RBFOX1: variants seen among roughly 807,000 people sequenced by gnomAD.
RBFOX1 encodes the protein RNA binding protein fox-1 homolog 1.
In RBFOX1, 8 loss-of-function variants were observed where a neutral mutation model predicts 57.7. The observed-to-expected ratio is 0.14, with a 90% CI of 0.08 to 0.25. The LOEUF is 0.25. Among genes scored for constraint, RBFOX1 ranks in the 10% least tolerant of loss-of-function variants. RBFOX1 has a pLI of 1.00. For missense variants in RBFOX1, 611 were observed against 548.5 expected (o/e 1.11, Z -1.14); for synonymous variants, 326 against 222.4 (o/e 1.47, Z -4.15).
At chr16:6,905,552 CA>C (rs55769867) in intron 3 of RBFOX1, among the ~76,000 whole-genome samples, 32,161 of 143,256 alleles carry the variant, frequency 0.22, 3,546 homozygotes, top group East Asian at 0.32. Flanking sequence ...GACTCCATCT[CA>C]AAAAAAAAAA....
At chr16:5,454,419 T>G (rs1320901727) in intron 1 of RBFOX1, among the ~76,000 whole-genome samples, 1 of 152,264 alleles carries the variant, frequency 6.6e-6, no homozygotes, top group Non-Finnish European at 1.5e-5. Flanking sequence ...TGGACCACAG[T>G]GCCTAGATAT....
chr16:6,935,055 C>T (rs768221703), intron 3 of RBFOX1, among the ~76,000 whole-genome samples: 8 of 151,962 alleles, frequency 5.3e-5, no homozygotes, highest in Middle Eastern at 3.4e-3. Context: ...CGTTCCACTG[C>T]ACTCCAGCCT....
chr16:6,049,829 C>A (rs2095534064), intron 1 of RBFOX1, among the ~76,000 whole-genome samples: 1 of 152,030 alleles, frequency 6.6e-6, no homozygotes, highest in Non-Finnish European at 1.5e-5. Context: ...CCCAGTGGTA[C>A]ACTTCCTATG....
intron 4 of RBFOX1, among the ~76,000 whole-genome samples, chr16:7,457,179 G>A (rs150171215): frequency 9.7e-4 from 147 of 152,164 alleles, no homozygotes; most frequent in South Asian, 3.9e-3. Flanking sequence ...GAGCCACCGC[G>A]CCTGGCCTTG....
At chr16:6,976,739 C>T (rs568590579) in intron 3 of RBFOX1, among the ~76,000 whole-genome samples, 2 of 144,942 alleles carry the variant, frequency 1.4e-5, no homozygotes, top group Non-Finnish European at 3.0e-5. Context: ...ATGTATCATA[C>T]ATATATATCA....
Position 5,742,576 on chromosome 16 carries a change from G to C in RBFOX1, c.319-124727G>C, listed in dbSNP as rs77586747. On this transcript the variant is annotated intron_variant, in intron 3 of 19. Coordinates refer to the RBFOX1 transcript ENST00000641259. ...CCATAAGAACGTCTGGCACATAGTA[G>C]ATATCCACCAGTAGCCTCATCAAAG... 1.3e-3 allele frequency among the ~76,000 whole-genome samples: 205 copies of C among 152,274 alleles called. 1 individual carries two copies. The highest frequency in any genetic ancestry group is 4.7e-3 in the African/African-American group (194 of 41,554).
At chr16:6,030,764 C>T (rs914986325) in intron 1 of RBFOX1, among the ~76,000 whole-genome samples, 6 of 152,154 alleles carry the variant, frequency 3.9e-5, no homozygotes, top group Non-Finnish European at 7.3e-5. Context: ...AATGGTTACT[C>T]TTTCTTATTT....
intron 14 of RBFOX1, among the ~76,000 whole-genome samples, chr16:7,689,096 G>T (rs73496953): frequency 1.9e-3 from 282 of 152,196 alleles, no homozygotes; most frequent in African/African-American, 6.5e-3. Flanking sequence ...ATAAAAAGAA[G>T]GGTTATAAGA....
chr16:6,143,808 T>G (rs1304523787), intron 1 of RBFOX1, among the ~76,000 whole-genome samples: 3 of 151,986 alleles, frequency 2.0e-5, no homozygotes, highest in African/African-American at 7.3e-5. Flanking sequence ...TTGGTTTTGT[T>G]TTTTAGAGAC....
intron 4 of RBFOX1, among the ~76,000 whole-genome samples, chr16:7,128,781 ATCTG>A (rs1036843981): frequency 2.0e-5 from 3 of 150,614 alleles, no homozygotes; most frequent in Non-Finnish European, 3.0e-5. Context: ...TATTTTGGTA[ATCTG>A]TCTGACATAA....
rs76086863 is a variant in RBFOX1 at position 5,443,001 on chromosome 16, T to C, written c.220-24215T>C. 2.8e-3 allele frequency among the ~76,000 whole-genome samples: 425 copies of C among 152,254 alleles called. 3 individuals carry two copies. The highest frequency in any genetic ancestry group is 9.8e-3 in the African/African-American group (409 of 41,536). ...AAGACAAGGGCAGAGATGGGAATGA[T>C]GCTGCCTCAAGCCAAGGAGTGCCAG... On this transcript the variant is annotated intron_variant, in intron 1 of 2. Transcript: ENST00000585867.
intron 3 of RBFOX1, among the ~76,000 whole-genome samples, chr16:6,865,293 G>C (rs1380742917): frequency 6.6e-6 from 1 of 151,984 alleles, no homozygotes; most frequent in Non-Finnish European, 1.5e-5. Flanking sequence ...GTGAGCCACC[G>C]TGCCCGACCT....
At chr16:5,316,485 T>C (rs969360973) in intron 1 of RBFOX1, among the ~76,000 whole-genome samples, 1 of 152,176 alleles carries the variant, frequency 6.6e-6, no homozygotes, top group Non-Finnish European at 1.5e-5. Context: ...TCCATTGCTA[T>C]GAGAACACCC....
intron 3 of RBFOX1, among the ~76,000 whole-genome samples, chr16:5,756,242 A>C (rs1381146690): frequency 6.6e-5 from 10 of 151,198 alleles, no homozygotes; most frequent in Admixed American, 4.6e-4. Flanking sequence ...AAAAAAAAAA[A>C]AAAAAACCCT....
chr16:6,230,599 T>C (rs1353871441), intron 1 of RBFOX1, among the ~76,000 whole-genome samples: 1 of 152,044 alleles, frequency 6.6e-6, no homozygotes, highest in African/African-American at 2.4e-5. Context: ...ATCAGCTGGG[T>C]GGAGGAGTGA....
chr16:5,670,113 T>G (rs868098069), intron 3 of RBFOX1, among the ~76,000 whole-genome samples: 1 of 151,800 alleles, frequency 6.6e-6, no homozygotes, highest in Non-Finnish European at 1.5e-5. Flanking sequence ...TCCATTTACC[T>G]GAAGTGTCTA....
In RBFOX1 at chr16:5,569,162, G is replaced by C. The variant is rs1413141087; in HGVS notation, c.259-29740G>C. On this transcript the variant is annotated intron_variant, in intron 2 of 2. Coordinates refer to the RBFOX1 transcript ENST00000585867. Reference sequence around the variant, plus strand: ...ACCATGCCCGGCTGACATTGGTTCTGTATGTGTCTTCACGTGGGGTGGACA... The same window carrying C: ...ACCATGCCCGGCTGACATTGGTTCTCTATGTGTCTTCACGTGGGGTGGACA... Among the ~76,000 whole-genome samples, 3 of 152,130 alleles carry C rather than the reference G, an allele frequency of 2.0e-5. No individual in the cohort carries two copies. The East Asian group carries it at 5.8e-4, about 29-fold the overall frequency.
intron 1 of RBFOX1, among the ~76,000 whole-genome samples, chr16:6,274,009 C>G (rs1253633670): frequency 6.6e-6 from 1 of 152,164 alleles, no homozygotes; most frequent in Non-Finnish European, 1.5e-5. Context: ...CAGTGCACAC[C>G]TATCAGAAGG....
chr16:5,785,966 T>C (rs1162404993), intron 3 of RBFOX1, among the ~76,000 whole-genome samples: 2 of 152,166 alleles, frequency 1.3e-5, no homozygotes, highest in African/African-American at 4.8e-5. Context: ...ACCTTCATGC[T>C]CACCTCCTTA....
Sources: allele counts gnomAD v4.1 joint callset (sites outside exome capture counted in the v4.1 genomes callset), GRCh38; gene constraint gnomAD v4.1.1; transcripts MANE v1.5; gene names NCBI Gene and HGNC (gene_info 2026-07-23, HGNC 2026-07-21).